GALNT18: variants seen among roughly 807,000 people sequenced by gnomAD.
GALNT18 encodes GalNAc-transferase 18.
Under a neutral mutation model 69.5 loss-of-function variants are expected in GALNT18, and 44 were observed. That is an observed-to-expected ratio of 0.63 (90% CI 0.50 to 0.81). GALNT18 has a LOEUF of 0.81. Among genes scored for constraint, GALNT18 ranks in the 40% least tolerant of loss-of-function variants. The pLI is 0.00. For synonymous variants in GALNT18, 364 were observed against 318.2 expected, an observed-to-expected ratio of 1.14 and a Z score of -1.53; for missense variants, 715 against 810.0, an observed-to-expected ratio of 0.88 and a Z score of 1.42.
chr11:11,580,547 A>G (rs1215941572), intron 1 of GALNT18, among the ~76,000 whole-genome samples: 2 of 152,186 alleles, frequency 1.3e-5, no homozygotes, highest in Non-Finnish European at 2.9e-5. Context: ...TAGCTCAGCC[A>G]CTGGAGTTGT....
At chr11:11,490,200 T>TTC (rs71037025) in intron 1 of GALNT18, among the ~76,000 whole-genome samples, 53 of 130,776 alleles carry the variant, frequency 4.1e-4, no homozygotes, top group African/African-American at 1.1e-3. Flanking sequence ...CCTTCACTCA[T>TTC]TCTCTCTCTC....
chr11:11,581,978 C>T (rs545500032), intron 1 of GALNT18, among the ~76,000 whole-genome samples: 1 of 152,054 alleles, frequency 6.6e-6, no homozygotes, highest in South Asian at 2.1e-4. Context: ...AGGATGTTTA[C>T]AGTTTACTGG....
At position 11,591,228 on chromosome 11, in the gene GALNT18, GCTTAAAAGCTAAGAC is replaced by G. The variant is rs1859354613; in HGVS notation, c.235+30116_235+30130del. Among the ~76,000 whole-genome samples the G allele has an allele frequency of 6.6e-6, 1 of 151,528 alleles. No individual in the cohort carries two copies. Among genetic ancestry groups the G allele is most frequent in the Non-Finnish European group, 1.5e-5 (1 of 67,958 alleles). On this transcript the variant is annotated intron_variant, in intron 1 of 10. Transcript: ENST00000227756. This position sits in a 1 kb window ranked among gnomAD's most constrained non-coding sequence, Gnocchi z 4.8. ...TAAGGCCTTTTTAAGGCTTTGTAAG[GCTTAAAAGCTAAGAC>G]ACACATACACACATTATTAGGCAAT...
chr11:11,352,719 C>A, intron 6 of GALNT18: 1 of 1,614,066 alleles, frequency 6.2e-7, no homozygotes, highest in South Asian at 1.1e-5. Context: ...CATGTAAAAT[C>A]GAATATCATA....
chr11:11,352,413 C>T (rs2071461), intron 6 of GALNT18: 1,148,458 of 1,613,888 alleles, frequency 0.71, 411,859 homozygotes, highest in South Asian at 0.78. Flanking sequence ...ATAATTGTCA[C>T]GTCCATGGAA....
intron 1 of GALNT18, chr11:11,570,278 A>G (rs112936998): frequency 0.029 from 4,420 of 152,978 alleles, 196 homozygotes; most frequent in African/African-American, 0.092. Flanking sequence ...TCTGTTCTCC[A>G]TGCCGTGGCC....
chr11:11,272,777 G>T (rs1451391539), intron 10 of GALNT18, among the ~76,000 whole-genome samples: 1 of 152,126 alleles, frequency 6.6e-6, no homozygotes, highest in Admixed American at 6.6e-5. Flanking sequence ...CTACAAGCTG[G>T]GCTGGTGCTC....
intron 1 of GALNT18, among the ~76,000 whole-genome samples, chr11:11,514,063 A>G (rs181241202): frequency 8.5e-4 from 130 of 152,356 alleles, no homozygotes; most frequent in Non-Finnish European, 1.7e-3. Flanking sequence ...ACAGAGGAGG[A>G]GGCTGGAACA....
At chr11:11,282,391 G>A (rs1208145211) in intron 10 of GALNT18, among the ~76,000 whole-genome samples, 1 of 152,156 alleles carries the variant, frequency 6.6e-6, no homozygotes, top group Non-Finnish European at 1.5e-5. Context: ...TACTTTACAT[G>A]CCCAATTCCA....
At chr11:11,355,102 C>T (rs1165137166) in intron 6 of GALNT18, among the ~76,000 whole-genome samples, 4 of 152,226 alleles carry the variant, frequency 2.6e-5, no homozygotes. Context: ...TGTCGTGTTG[C>T]CCTTCAATCC....
At chr11:11,342,577 G>C (rs966428833) in intron 6 of GALNT18, among the ~76,000 whole-genome samples, 1 of 152,222 alleles carries the variant, frequency 6.6e-6, no homozygotes, top group Admixed American at 6.5e-5. Context: ...GAGTTGGAAG[G>C]TGGCTTACTG....
chr11:11,451,992 C>G (rs1855810333), intron 1 of GALNT18, among the ~76,000 whole-genome samples: 1 of 152,138 alleles, frequency 6.6e-6, no homozygotes, highest in East Asian at 1.9e-4. Flanking sequence ...TTAACATATT[C>G]TCTTTGGAGC....
At chr11:11,570,160 C>G (rs1169240999) in intron 1 of GALNT18, 1 of 152,314 alleles carries the variant, frequency 6.6e-6, no homozygotes, top group African/African-American at 2.4e-5. Context: ...GAGCTTAGCA[C>G]TGGGCTGAGC....
chr11:11,437,611 A>G (rs1222902631), intron 2 of GALNT18, among the ~76,000 whole-genome samples: 7 of 152,046 alleles, frequency 4.6e-5, no homozygotes, highest in African/African-American at 1.7e-4. Flanking sequence ...CGGCCACCAG[A>G]TAAGACCTGG....
chr11:11,460,750 T>C (rs1856023144), intron 1 of GALNT18, among the ~76,000 whole-genome samples: 1 of 149,406 alleles, frequency 6.7e-6, no homozygotes, highest in Non-Finnish European at 1.5e-5. Flanking sequence ...TGGACTTCGG[T>C]GTTGGTATTT....
chr11:11,498,542 T>C (rs570220655), intron 1 of GALNT18, among the ~76,000 whole-genome samples: 11 of 152,238 alleles, frequency 7.2e-5, no homozygotes, highest in Admixed American at 2.6e-4. Flanking sequence ...CTAATGCCTG[T>C]AATCCCAACA....
intron 5 of GALNT18, among the ~76,000 whole-genome samples, chr11:11,374,029 G>A (rs1850975927): frequency 1.3e-5 from 2 of 152,154 alleles, no homozygotes; most frequent in Admixed American, 1.3e-4. Flanking sequence ...GCAGATACAG[G>A]AGACTTCTGG....
Position 11,542,004 on chromosome 11 carries a change from A to T in GALNT18, c.235+79355T>A, listed in dbSNP as rs1857938948. Among the ~76,000 whole-genome samples the T allele has an allele frequency of 6.6e-6, 1 of 152,148 alleles. No individual in the cohort carries two copies. The highest frequency in any genetic ancestry group is 2.4e-5 in the African/African-American group (1 of 41,446). ...ACCCCCACCCTTCAGAAGACCCCAG[A>T]GACCCCGCTGTAAATATGAAGGAGC... On this transcript the variant is annotated intron_variant, in intron 1 of 10. Coordinates refer to ENST00000227756, the MANE Select transcript of GALNT18 (RefSeq NM_198516.3). The surrounding 1 kb of genome is among the most constrained non-coding windows in gnomAD (Gnocchi z 4.3).
At chr11:11,502,497 C>T (rs1308088824) in intron 1 of GALNT18, among the ~76,000 whole-genome samples, 3 of 152,228 alleles carry the variant, frequency 2.0e-5, no homozygotes, top group Non-Finnish European at 4.4e-5. Flanking sequence ...AGGAAGCAAA[C>T]AGAGAAGGAA....
Sources: gnomAD v4.1 joint callset for allele counts (sites outside exome capture counted in the v4.1 genomes callset) on GRCh38, gnomAD v4.1.1 for gene constraint, Gnocchi (gnomAD v3.1) non-coding constraint, MANE v1.5 for transcripts, NCBI Gene and HGNC (gene_info 2026-07-23, HGNC 2026-07-21) for gene names.